The following PCDH7 variants were observed in gnomAD, a reference collection of about 807,000 sequenced individuals.
The protein encoded by PCDH7 is protocadherin 7.
A neutral mutation model predicts 58.9 loss-of-function variants in PCDH7; 17 were observed. That is an observed-to-expected ratio of 0.29 (90% CI 0.20 to 0.43). PCDH7 has a LOEUF of 0.43. Among genes scored for constraint, PCDH7 ranks in the 20% least tolerant of loss-of-function variants. PCDH7 has a pLI of 1.00. For missense variants in PCDH7, 1,274 were observed against 1,441.0 expected (o/e 0.88, Z 1.88); for synonymous variants, 664 against 616.4 (o/e 1.08, Z -1.14).
At chr4:30,964,238 A>ATTTT (rs200214723) in intron 3 of PCDH7, among the ~76,000 whole-genome samples, 2 of 87,788 alleles carry the variant, frequency 2.3e-5, no homozygotes, top group Non-Finnish European at 4.1e-5. Context: ...TTATTTATTT[A>ATTTT]TTTATTTATT....
At chr4:30,766,560 A>G (rs1381464370) in intron 1 of PCDH7, among the ~76,000 whole-genome samples, 1 of 152,090 alleles carries the variant, frequency 6.6e-6, no homozygotes, top group Non-Finnish European at 1.5e-5. Flanking sequence ...AGATTTTTAA[A>G]TCCATTCAAC....
At chr4:31,131,109 G>A (rs1375325497) in intron 3 of PCDH7, among the ~76,000 whole-genome samples, 8 of 152,272 alleles carry the variant, frequency 5.3e-5, no homozygotes, top group Admixed American at 4.6e-4. Flanking sequence ...AGGGAGCACT[G>A]AGACTGCCTC....
chr4:31,040,151 G>T (rs1364527964), intron 3 of PCDH7, among the ~76,000 whole-genome samples: 1 of 152,136 alleles, frequency 6.6e-6, no homozygotes, highest in African/African-American at 2.4e-5. Flanking sequence ...ATACTGCAGT[G>T]TGTCTTGACA....
At chr4:30,968,168 TG>T (rs995887181) in intron 3 of PCDH7, among the ~76,000 whole-genome samples, 28 of 151,534 alleles carry the variant, frequency 1.8e-4, no homozygotes, top group African/African-American at 6.5e-4. Flanking sequence ...GAGCAGACAC[TG>T]TTCCAAGTAC....
intron 3 of PCDH7, among the ~76,000 whole-genome samples, chr4:31,121,112 T>C (rs1483422861): frequency 6.6e-6 from 1 of 152,196 alleles, no homozygotes; most frequent in African/African-American, 2.4e-5. Flanking sequence ...ATGTTCATTA[T>C]TCACAGGTCG....
In PCDH7 at chr4:31,082,210, T is replaced by A. The variant is rs150015246; in HGVS notation, c.*8-60263T>A. On this transcript the variant is annotated intron_variant, in intron 3 of 3. Transcript: ENST00000509759. ...ACTATAGATACAAGTGCTAAGTGAA[T>A]CCACATGCTTTCTAGACAGTGTCCA... Among the ~76,000 whole-genome samples the A allele has an allele frequency of 2.1e-3, 321 of 152,340 alleles. 1 individual carries two copies. The highest frequency in any genetic ancestry group is 7.5e-3 in the African/African-American group (311 of 41,588).
chr4:31,101,863 G>A (rs1031680503), intron 3 of PCDH7, among the ~76,000 whole-genome samples: 8 of 152,138 alleles, frequency 5.3e-5, no homozygotes, highest in African/African-American at 1.9e-4. Context: ...GTACACTCTC[G>A]TGGTAAAATA....
chr4:30,844,885 G>A (rs1473131221), intron 1 of PCDH7, among the ~76,000 whole-genome samples: 1 of 152,148 alleles, frequency 6.6e-6, no homozygotes, highest in East Asian at 1.9e-4. Context: ...TTTTGAGGGG[G>A]ACGGAGGTGA....
intron 3 of PCDH7, among the ~76,000 whole-genome samples, chr4:31,102,969 T>G (rs1715090751): frequency 6.6e-6 from 1 of 152,212 alleles, no homozygotes; most frequent in Non-Finnish European, 1.5e-5. Context: ...GAACAATGTG[T>G]AATCACTGAA....
At chr4:30,744,235 A>G (rs1300907859) in intron 1 of PCDH7, among the ~76,000 whole-genome samples, 1 of 152,162 alleles carries the variant, frequency 6.6e-6, no homozygotes, top group East Asian at 1.9e-4. Context: ...TCCCAGCTGC[A>G]TTGAAAAAAC....
intron 1 of PCDH7, among the ~76,000 whole-genome samples, chr4:30,853,004 C>T (rs1328231373): frequency 1.3e-5 from 2 of 151,934 alleles, no homozygotes; most frequent in Non-Finnish European, 2.9e-5. Flanking sequence ...GGAGTGCTAC[C>T]TTGAGAAGGG....
At chr4:31,053,812 G>T (rs1756939328) in intron 3 of PCDH7, among the ~76,000 whole-genome samples, 1 of 151,712 alleles carries the variant, frequency 6.6e-6, no homozygotes, top group Non-Finnish European at 1.5e-5. Flanking sequence ...TGATTCTTTT[G>T]ATTTTCCCAT....
At chr4:30,734,044 C>G (rs2109240886), downstream of PCDH7, among the ~76,000 whole-genome samples, 1 of 149,076 alleles carries the variant, frequency 6.7e-6, no homozygotes, top group East Asian at 2.0e-4. Context: ...ACTTTATAAC[C>G]CTAACTTTAT....
chr4:30,963,209 C>T (rs1194187157), intron 3 of PCDH7, among the ~76,000 whole-genome samples: 1 of 152,102 alleles, frequency 6.6e-6, no homozygotes, highest in Non-Finnish European at 1.5e-5. Context: ...AAAAAGAAGC[C>T]TTCTAAGTAT....
rs560011693 is a variant in PCDH7 at position 30,982,167 on chromosome 4, A to G, written c.*7+31952A>G. Among the ~76,000 whole-genome samples, 10 of 152,360 alleles carry G rather than the reference A, an allele frequency of 6.6e-5. No homozygotes were observed. In the East Asian group the frequency reaches 1.7e-3, roughly 26 times the overall value. On this transcript the variant is annotated intron_variant, in intron 3 of 3. Transcript: ENST00000509759. ...GTACGTATTTCAAAGCATCATGCAC[A>G]TGAAAAATATATAATTTTTGTGGAT...
At chr4:30,829,075 G>A (rs975259665) in intron 1 of PCDH7, among the ~76,000 whole-genome samples, 1 of 151,962 alleles carries the variant, frequency 6.6e-6, no homozygotes, top group Non-Finnish European at 1.5e-5. Flanking sequence ...AGATACACAT[G>A]TACCTGCACT....
chr4:30,969,307 T>C (rs61792870), intron 3 of PCDH7, among the ~76,000 whole-genome samples: 3,853 of 152,296 alleles, frequency 0.025, 79 homozygotes, highest in East Asian at 0.042. Context: ...GCTGCACTGC[T>C]GCACCTGTGT....
At chr4:30,768,762 T>C (rs1405707847) in intron 1 of PCDH7, among the ~76,000 whole-genome samples, 1 of 152,196 alleles carries the variant, frequency 6.6e-6, no homozygotes, top group African/African-American at 2.4e-5. Context: ...TTCCTACGTA[T>C]CTTTAAAATC....
intron 3 of PCDH7, among the ~76,000 whole-genome samples, chr4:31,071,440 AG>A (rs758163733): frequency 6.6e-6 from 1 of 151,946 alleles, no homozygotes; most frequent in Non-Finnish European, 1.5e-5. Context: ...TTTGCAGGAG[AG>A]GGGGCAGCCT....
Sources: allele counts gnomAD v4.1 joint callset (sites outside exome capture counted in the v4.1 genomes callset), GRCh38; gene constraint gnomAD v4.1.1; transcripts MANE v1.5; gene names NCBI Gene and HGNC (gene_info 2026-07-23, HGNC 2026-07-21).